Variants in SLC22A23 observed in about 807,000 individuals in gnomAD.
The protein encoded by SLC22A23 is ion transporter protein.
Under a neutral mutation model 61.0 loss-of-function variants are expected in SLC22A23, and 26 were observed. The observed-to-expected ratio is 0.43, with a 90% CI of 0.31 to 0.59. The LOEUF (loss-of-function observed/expected upper bound fraction) is 0.59, where lower values mean the gene tolerates loss of function less well. SLC22A23 is among the 20% of genes least tolerant of loss of function. The pLI is 0.11. For missense variants in SLC22A23, 796 were observed against 934.7 expected (o/e 0.85, Z 1.94); for synonymous variants, 430 against 413.9 (o/e 1.04, Z -0.47).
At chr6:3,354,941 G>A (rs988787384) in intron 3 of SLC22A23, among the ~76,000 whole-genome samples, 16 of 152,148 alleles carry the variant, frequency 1.1e-4, no homozygotes, top group African/African-American at 3.9e-4. Context: ...GGGCCAGAGG[G>A]TGACAGTATC....
chr6:3,404,624 A>G (rs1561956735), intron 3 of SLC22A23, among the ~76,000 whole-genome samples: 1 of 152,160 alleles, frequency 6.6e-6, no homozygotes, highest in Non-Finnish European at 1.5e-5. Context: ...GCTCTGACCC[A>G]TGACCAGTGG....
intron 4 of SLC22A23, among the ~76,000 whole-genome samples, chr6:3,321,862 G>A (rs1483236338): frequency 1.3e-5 from 2 of 152,216 alleles, no homozygotes; most frequent in Non-Finnish European, 2.9e-5. Flanking sequence ...GCTGGGGTAG[G>A]GACATGAGAT....
intron 1 of SLC22A23, among the ~76,000 whole-genome samples, chr6:3,431,026 AT>A: frequency 6.6e-6 from 1 of 150,390 alleles, no homozygotes; most frequent in Middle Eastern, 3.4e-3. Flanking sequence ...AGATTGCATC[AT>A]TGCACTCCAG....
intron 4 of SLC22A23, chr6:3,323,368 AAAAC>A (rs1161815391): frequency 2.2e-6 from 1 of 457,160 alleles, no homozygotes; most frequent in South Asian, 1.5e-5. Context: ...TTTATTTACA[AAAAC>A]AGACAGTGGG....
intron 9 of SLC22A23, among the ~76,000 whole-genome samples, chr6:3,277,845 G>C (rs1441008782): frequency 6.6e-6 from 1 of 152,188 alleles, no homozygotes; most frequent in Non-Finnish European, 1.5e-5. Flanking sequence ...TCAAATTTAC[G>C]GCCAGGATAG....
intron 4 of SLC22A23, chr6:3,323,499 C>G: frequency 4.7e-6 from 2 of 423,840 alleles, no homozygotes; most frequent in South Asian, 2.0e-5. Flanking sequence ...AAGACCTCCA[C>G]CTCCCTGCAA....
intron 1 of SLC22A23, among the ~76,000 whole-genome samples, chr6:3,422,223 C>T (rs1770188907): frequency 1.3e-5 from 2 of 152,136 alleles, no homozygotes; most frequent in Admixed American, 1.3e-4. Context: ...CAGCATTTTT[C>T]CCCCCTAAAA....
In SLC22A23 at chr6:3,390,109, G is replaced by A. The variant is rs1272753192; in HGVS notation, c.913+20079C>T. On this transcript the variant is annotated intron_variant, in intron 3 of 9. Transcript: ENST00000406686. The surrounding 1 kb of genome is among the most constrained non-coding windows in gnomAD (Gnocchi z 4.0). ...GGCCAGTTGCCACCATCCGTCCGTG[G>A]GCTCATCCGGAACAGCAACCAGCGG... is the stretch of plus-strand genomic sequence containing the variant. 6.6e-6 allele frequency among the ~76,000 whole-genome samples: 1 copy of A among 152,110 alleles called. No homozygotes were observed. The highest frequency in any genetic ancestry group is 1.5e-5 in the Non-Finnish European group (1 of 68,024).
At chr6:3,379,561 C>A (rs781257717) in intron 3 of SLC22A23, among the ~76,000 whole-genome samples, 3 of 152,062 alleles carry the variant, frequency 2.0e-5, no homozygotes, top group Non-Finnish European at 2.9e-5. Flanking sequence ...GCGTTTTCCA[C>A]GTGGTTTTGG....
chr6:3,301,122 G>A (rs1418790265), intron 4 of SLC22A23, among the ~76,000 whole-genome samples: 1 of 152,086 alleles, frequency 6.6e-6, no homozygotes, highest in Non-Finnish European at 1.5e-5. Flanking sequence ...ACATTTTGCT[G>A]TATTTTAAAA....
Position 3,389,268 on chromosome 6 carries a change from CAAAAAAAAAAA to C in SLC22A23, c.913+20909_913+20919del, listed in dbSNP as rs61020784. 7.4e-4 allele frequency among the ~76,000 whole-genome samples: 24 copies of C among 32,600 alleles called. 1 individual carries two copies. In the South Asian group the frequency reaches 0.016, roughly 21 times the overall value. 21.4% of individuals were successfully genotyped at this position (32,600 alleles called of 152,430 possible). A position where few individuals can be genotyped will look rare whatever the true frequency, so the allele number is the denominator to read the frequency against. ...GGGCAACAAGAGCAAAACTCTGTCT[CAAAAAAAAAAA>C]AAAAAAAAAAAAAAAAGCAACAACA... On this transcript the variant is annotated intron_variant, in intron 3 of 9. Transcript: ENST00000406686.
chr6:3,358,354 C>T lies in SLC22A23; in HGVS notation c.914-34352G>A, dbSNP rs911172998. Among the ~76,000 whole-genome samples, 7 of 151,924 alleles carry T rather than the reference C, an allele frequency of 4.6e-5. No individual in the cohort carries two copies. The East Asian group carries it at 9.6e-4, about 21-fold the overall frequency. ...GTCCACTGATAGGTGAAGGGACACA[C>T]GAAACACAGTGAAAAATACAATAGA... On this transcript the variant is annotated intron_variant, in intron 3 of 9. Transcript: ENST00000406686.
chr6:3,406,713 T>G (rs1185382469), intron 3 of SLC22A23, among the ~76,000 whole-genome samples: 1 of 152,234 alleles, frequency 6.6e-6, no homozygotes, highest in Non-Finnish European at 1.5e-5. Flanking sequence ...ATGTGCACTC[T>G]GCTTCCATGC....
At chr6:3,289,656 A>C in intron 6 of SLC22A23, 108 bp downstream of exon 6, 1 of 862,058 alleles carries the variant, frequency 1.2e-6, no homozygotes, top group Admixed American at 2.4e-5. Context: ...ACACACCCTT[A>C]GGATTCCAAG....
chr6:3,378,622 T>TC (rs1766738337), intron 3 of SLC22A23, among the ~76,000 whole-genome samples: 1 of 151,708 alleles, frequency 6.6e-6, no homozygotes, highest in African/African-American at 2.4e-5. Flanking sequence ...TCTGAACCTC[T>TC]CTCTGTGTCA....
intron 3 of SLC22A23, among the ~76,000 whole-genome samples, chr6:3,400,873 A>C (rs1768338649): frequency 6.6e-6 from 1 of 152,244 alleles, no homozygotes; most frequent in Non-Finnish European, 1.5e-5. Flanking sequence ...CTGAATATCC[A>C]GTTATTGAGT....
chr6:3,277,576 A>G (rs1289307846), intron 9 of SLC22A23, among the ~76,000 whole-genome samples: 2 of 152,236 alleles, frequency 1.3e-5, no homozygotes, highest in Middle Eastern at 3.4e-3. Context: ...TCCTCAGGAC[A>G]CTTGTGTAGC....
chr6:3,347,983 C>T (rs569972787), intron 3 of SLC22A23, among the ~76,000 whole-genome samples: 11 of 152,298 alleles, frequency 7.2e-5, no homozygotes, highest in African/African-American at 2.6e-4. Flanking sequence ...ATCATGGAGG[C>T]TTTTGCTCTC....
At position 3,390,143 on chromosome 6, in the gene SLC22A23, A is replaced by C. The variant is rs1767575093; in HGVS notation, c.913+20045T>G. Among the ~76,000 whole-genome samples, 1 of 152,208 alleles carries C rather than the reference A, an allele frequency of 6.6e-6. No individual in the cohort carries two copies. Among genetic ancestry groups the C allele is most frequent in the South Asian group, 2.1e-4 (1 of 4,828 alleles). On this transcript the variant is annotated intron_variant, in intron 3 of 9. Transcript: ENST00000406686. The surrounding 1 kb of genome is among the most constrained non-coding windows in gnomAD (Gnocchi z 4.0). Reference sequence around the variant, plus strand: ...GGAACAGCAACCAGCGGTGAGCCACAGTCAGGAAAAGGAATGAGGCTCTCT... The same window carrying C: ...GGAACAGCAACCAGCGGTGAGCCACCGTCAGGAAAAGGAATGAGGCTCTCT...
Sources: allele counts gnomAD v4.1 joint callset (sites outside exome capture counted in the v4.1 genomes callset), GRCh38; gene constraint gnomAD v4.1.1; non-coding constraint Gnocchi (gnomAD v3.1); transcripts MANE v1.5; gene names NCBI Gene and HGNC (gene_info 2026-07-23, HGNC 2026-07-21).